The following TENM4 variants were observed in gnomAD, a reference collection of about 807,000 sequenced individuals.
The protein encoded by TENM4 is teneurin-4.
Under a neutral mutation model 243.3 loss-of-function variants are expected in TENM4, and 82 were observed. The observed-to-expected ratio is 0.34, with a 90% CI of 0.28 to 0.40. The LOEUF (loss-of-function observed/expected upper bound fraction) is 0.40, where lower values mean the gene tolerates loss of function less well. Among genes scored for constraint, TENM4 ranks in the 10% least tolerant of loss-of-function variants. TENM4 has a pLI of 1.00. For missense variants in TENM4, 3,138 were observed against 3,673.3 expected (o/e 0.85, Z 3.77); for synonymous variants, 1,412 against 1,456.3 (o/e 0.97, Z 0.69).
At chr11:78,783,917 C>T (rs919322522) in intron 16 of TENM4, among the ~76,000 whole-genome samples, 3 of 152,158 alleles carry the variant, frequency 2.0e-5, no homozygotes, top group African/African-American at 4.8e-5. Context: ...CCATAAGGGG[C>T]CCAGATTTGT....
At chr11:78,835,018 A>C (rs1309163239) in intron 12 of TENM4, among the ~76,000 whole-genome samples, 3 of 152,056 alleles carry the variant, frequency 2.0e-5, no homozygotes, top group Non-Finnish European at 4.4e-5. Context: ...GTCTGCTGGC[A>C]TCTCTTGCTG....
At chr11:78,937,507 T>G (rs1386484870) in intron 6 of TENM4, among the ~76,000 whole-genome samples, 1 of 152,194 alleles carries the variant, frequency 6.6e-6, no homozygotes, top group Non-Finnish European at 1.5e-5. Context: ...CCTTAACATT[T>G]CCCAAATGTA....
chr11:78,947,283 G>A (rs1857019962), intron 6 of TENM4, among the ~76,000 whole-genome samples: 1 of 152,124 alleles, frequency 6.6e-6, no homozygotes, highest in Admixed American at 6.5e-5. Flanking sequence ...CTTAGAGAGG[G>A]GACTCAACTT....
intron 2 of TENM4, among the ~76,000 whole-genome samples, chr11:79,238,508 G>T (rs771861000): frequency 6.6e-6 from 1 of 152,128 alleles, no homozygotes; most frequent in African/African-American, 2.4e-5. Context: ...CGAGCCTTTT[G>T]ACTCAAACTG....
At chr11:78,982,287 A>C (rs1857816296) in intron 6 of TENM4, among the ~76,000 whole-genome samples, 1 of 152,152 alleles carries the variant, frequency 6.6e-6, no homozygotes. Flanking sequence ...TTGTCTAACA[A>C]GGCAGATACA....
At chr11:79,192,763 A>T (rs1026570174) in intron 3 of TENM4, among the ~76,000 whole-genome samples, 16 of 111,508 alleles carry the variant, frequency 1.4e-4, no homozygotes, top group African/African-American at 3.7e-4. Flanking sequence ...AAATAAAATT[A>T]AAAAAAAAAA....
chr11:78,895,722 A>G (rs900800718), intron 7 of TENM4, among the ~76,000 whole-genome samples: 3 of 152,096 alleles, frequency 2.0e-5, no homozygotes, highest in Admixed American at 6.6e-5. Context: ...GATTCACTTG[A>G]CCCTCACACT....
chr11:78,914,916 G>C (rs623272), intron 6 of TENM4, among the ~76,000 whole-genome samples: 110,130 of 152,118 alleles, frequency 0.72, 39,890 homozygotes, highest in East Asian at 0.79. Context: ...CGGCTCACCC[G>C]CTTCAATTCA....
In TENM4 at chr11:78,903,331, G is replaced by A. The variant is rs1038250425; in HGVS notation, c.686C>T (p.Ala229Val). The A allele has an allele frequency of 1.4e-6, 2 of 1,480,460 alleles. No individual in the cohort carries two copies. The highest frequency in any genetic ancestry group is 1.5e-5 in the African/African-American group (1 of 68,132). The allele number at this position is 1,480,460 out of a possible 1,614,324, so 91.7% of individuals were successfully genotyped here. ...SLSGEPPAGG[A>V]QEPAHAQENW... ...CTCCTGGGCGTGGGCAGGCTCCTGGGCGCCGCCGGCAGGGGGCTCTCCGGA... is the reference window on the plus strand; with the variant it reads ...CTCCTGGGCGTGGGCAGGCTCCTGGACGCCGCCGGCAGGGGGCTCTCCGGA... Residue 229 changes from alanine (A) to valine (V), a missense_variant, in exon 7 of 34, where the codon GCC becomes GTC. Ala to Val is a moderately conservative substitution (Grantham distance 64). Around this residue, in one of 2 missense-constraint regions of TENM4, gnomAD observed 671 missense variants for 614.1 expected, o/e 1.09. Coordinates refer to ENST00000278550, the MANE Select transcript of TENM4 (RefSeq NM_001098816.3).
rs1302575089 is a variant in TENM4 at position 79,138,985 on chromosome 11, TCTATAA to T, written c.-66+9719_-66+9724del. On this transcript the variant is annotated intron_variant, in intron 4 of 33. Transcript: ENST00000278550. ...AAATATATAAAATATATATTATATTTCTATAAATATATAAAATATATATTATATTTC... is the reference window on the plus strand; with the variant it reads ...AAATATATAAAATATATATTATATTTATATATAAAATATATATTATATTTC... Among the ~76,000 whole-genome samples the T allele has an allele frequency of 6.9e-3, 473 of 68,920 alleles. 46 individuals carry two copies. Among genetic ancestry groups the T allele is most frequent in the Admixed American group, 9.9e-3 (44 of 4,452 alleles). The allele number at this position is 68,920 out of a possible 152,430, so 45.2% of individuals were successfully genotyped here.
intron 4 of TENM4, among the ~76,000 whole-genome samples, chr11:79,101,725 G>T (rs546400063): frequency 6.6e-6 from 1 of 152,260 alleles, no homozygotes; most frequent in South Asian, 2.1e-4. Flanking sequence ...ACTGTGGGAC[G>T]ACTATTACCA....
At chr11:79,410,224 C>T (rs116392054) in intron 1 of TENM4, among the ~76,000 whole-genome samples, 157 of 152,266 alleles carry the variant, frequency 1.0e-3, no homozygotes, top group African/African-American at 3.7e-3. Flanking sequence ...TTCCTGGAAT[C>T]ACCTTGCAAA....
chr11:79,393,001 C>A (rs1421514174), intron 1 of TENM4, among the ~76,000 whole-genome samples: 1 of 152,136 alleles, frequency 6.6e-6, no homozygotes, highest in Non-Finnish European at 1.5e-5. Flanking sequence ...CACTATCAGG[C>A]CCTAGTGTCA....
chr11:79,416,879 AAAAAAAAAG>A (rs1387518309), intron 1 of TENM4, among the ~76,000 whole-genome samples: 2 of 150,736 alleles, frequency 1.3e-5, no homozygotes, highest in African/African-American at 4.9e-5. Flanking sequence ...GACAATGGCA[AAAAAAAAAG>A]AAAAAAAAAG....
intron 26 of TENM4, among the ~76,000 whole-genome samples, chr11:78,709,369 A>G (rs1859345564): frequency 6.6e-6 from 1 of 152,148 alleles, no homozygotes; most frequent in African/African-American, 2.4e-5. Flanking sequence ...ATATTGTTGA[A>G]TTGAATTTCT....
At chr11:78,819,358 T>C (rs1857676316) in intron 12 of TENM4, among the ~76,000 whole-genome samples, 1 of 152,222 alleles carries the variant, frequency 6.6e-6, no homozygotes, top group South Asian at 2.1e-4. Flanking sequence ...CTGCCCTCAT[T>C]TGCATCCTTC....
chr11:78,850,575 G>C (rs17137251), intron 12 of TENM4, among the ~76,000 whole-genome samples: 1,528 of 152,242 alleles, frequency 0.01, 18 homozygotes, highest in African/African-American at 0.034. Flanking sequence ...GGGAAAGCGG[G>C]ATTAATAGCA....
At chr11:78,662,998 G>A (rs570704019) in intron 32 of TENM4, among the ~76,000 whole-genome samples, 38 of 152,328 alleles carry the variant, frequency 2.5e-4, no homozygotes, top group African/African-American at 8.9e-4. Context: ...TGTGGGTACA[G>A]GGAGTGTTCA....
intron 1 of TENM4, among the ~76,000 whole-genome samples, chr11:79,374,819 GA>G (rs1487565039): frequency 9.9e-5 from 15 of 152,264 alleles, no homozygotes; most frequent in African/African-American, 3.4e-4. Context: ...AGTTTTAACA[GA>G]GTCCCAAAGT....
Sources: allele counts gnomAD v4.1 joint callset (sites outside exome capture counted in the v4.1 genomes callset), GRCh38; gene constraint gnomAD v4.1.1; regional missense constraint gnomAD v4.1.1; transcripts MANE v1.5; gene names NCBI Gene and HGNC (gene_info 2026-07-23, HGNC 2026-07-21).